The following ADGRE2 variants were observed in gnomAD, a reference collection of about 807,000 sequenced individuals.
ADGRE2 encodes CD97 antigen.
Under a neutral mutation model 100.8 loss-of-function variants are expected in ADGRE2, and 83 were observed. The ratio of observed to expected loss-of-function variants is 0.82; its 90% CI spans 0.69 to 0.99. ADGRE2 has a LOEUF of 0.99. Ranked by LOEUF, ADGRE2 falls within the 50% of genes least tolerant of loss-of-function variation. The probability of loss-of-function intolerance (pLI) is 0.00; values close to 1 mark genes in which losing one functional copy is unlikely to be tolerated. For synonymous variants in ADGRE2, 355 were observed against 413.0 expected (o/e 0.86, Z 1.70); for missense variants, 814 against 1,035.7 (o/e 0.79, Z 2.94).
At chr19:14,775,813 C>T (rs1465292507) in intron 2 of ADGRE2, among the ~76,000 whole-genome samples, 10 of 149,204 alleles carry the variant, frequency 6.7e-5, no homozygotes, top group African/African-American at 2.5e-4. Context: ...AAGCTGAGAT[C>T]GTGCCACTGC....
At position 14,778,522 on chromosome 19, in the gene ADGRE2, C is replaced by A; in HGVS notation, c.-437G>T. 2 of 847,512 alleles carry A rather than the reference C, an allele frequency of 2.4e-6. No individual in the cohort carries two copies. Among genetic ancestry groups the A allele is most frequent in the Non-Finnish European group, 2.8e-6 (2 of 703,790 alleles). The allele number at this position is 847,512 out of a possible 1,614,324, so 52.5% of individuals were successfully genotyped here. A position where few individuals can be genotyped will look rare whatever the true frequency, so the allele number is the denominator to read the frequency against. ...GCAGGTGCCAAGAAGAGAAGCTTCA[C>A]CGCACAGAGCAGACCCCCCGGATCT... On this transcript the variant is annotated 5_prime_UTR_variant, in exon 1 of 21. Transcript: ENST00000315576.
chr19:14,727,082 C>T, the ADGRE2 span, among the ~76,000 whole-genome samples: 2 of 124,896 alleles, frequency 1.6e-5, no homozygotes, highest in Non-Finnish European at 3.1e-5. Context: ...CCAGACAGTG[C>T]AGTGGCGCAA....
rs550136851 is a variant in ADGRE2 at position 14,759,229 on chromosome 19, T to C, written c.1085-2884A>G. ...GTCGGGCCCCCAGGTAACCTTTTCCTATTGGCACAGCTGCCGGCATTCACC... is the reference window on the plus strand; with the variant it reads ...GTCGGGCCCCCAGGTAACCTTTTCCCATTGGCACAGCTGCCGGCATTCACC... On this transcript the variant is annotated intron_variant, in intron 11 of 20. Coordinates refer to ENST00000315576, the MANE Select transcript of ADGRE2 (RefSeq NM_013447.4). Among the ~76,000 whole-genome samples, 10 of 152,210 alleles carry C rather than the reference T, an allele frequency of 6.6e-5. No individual in the cohort carries two copies. In the South Asian group the frequency reaches 1.9e-3, roughly 28 times the overall value.
chr19:14,739,305 G>A (rs2042855066), intron 20 of ADGRE2, among the ~76,000 whole-genome samples: 1 of 152,090 alleles, frequency 6.6e-6, no homozygotes, highest in Non-Finnish European at 1.5e-5. Context: ...GAGATAACAA[G>A]TTTTAGGAAA....
chr19:14,755,231 T>C, intron 13 of ADGRE2, 104 bp from the exon 14 acceptor site: 1 of 1,168,496 alleles, frequency 8.6e-7, no homozygotes, highest in East Asian at 2.5e-5. Context: ...GTCAGGAGTT[T>C]GAGACCAGCC....
At position 14,776,988 on chromosome 19, in the gene ADGRE2, A is replaced by ACACACACACG; in HGVS notation, c.-171-62_-171-61insCGTGTGTGTG. 4.5e-6 allele frequency: 6 copies of ACACACACACG among 1,337,228 alleles called. No individual in the cohort carries two copies. The East Asian group carries it at 1.8e-4, about 40-fold the overall frequency. 82.8% of individuals were successfully genotyped at this position (1,337,228 alleles called of 1,614,324 possible). A position where few individuals can be genotyped will look rare whatever the true frequency, so the allele number is the denominator to read the frequency against. On this transcript the variant is annotated intron_variant, in intron 1 of 20. Coordinates refer to ENST00000315576, the MANE Select transcript of ADGRE2 (RefSeq NM_013447.4). The stretch of plus-strand genomic sequence containing the variant: ...AACCAGGGGCGCTGCACACACACAC[A>ACACACACACG]CACACACACACACACACACACACAC...
In ADGRE2 at chr19:14,754,996, G is replaced by A. The variant is rs2043439113; in HGVS notation, c.1548C>T (p.His516=). The part of the protein sequence containing the change: ...RDTSTICRCT[H]LSSFAVLMAH... The stretch of plus-strand genomic sequence containing the variant: ...CCATGAGGACGGCAAAGCTGCTCAG[G>A]TGGGTGCAACGGCAGATGGTGCTGG... The change falls in exon 14 of 21, where the codon CAC becomes CAT. Residue 516 remains histidine (H), a synonymous_variant. Transcript: ENST00000315576. 6.2e-7 allele frequency: 1 copy of A among 1,614,040 alleles called. No homozygotes were observed. Among genetic ancestry groups the A allele is most frequent in the Non-Finnish European group, 8.5e-7 (1 of 1,180,042 alleles).
rs768970857 is a variant in ADGRE2, at chr19:14,755,036, A to G, written c.1508T>C (p.Ile503Thr). Residue 503 changes from isoleucine to threonine, a missense_variant, in exon 14 of 21, where the codon ATA (isoleucine) becomes ACA (threonine). Coordinates refer to ENST00000315576, the MANE Select transcript of ADGRE2 (RefSeq NM_013447.4). ...GHWATTGCST[I>T]GTRDTSTICR... ...GATGGTGCTGGTGTCTCTGGTGCCT[A>G]TTGTGCTGCAGCCTGTGGTGGCCCA... The G allele has an allele frequency of 3.1e-6, 5 of 1,613,920 alleles. No individual in the cohort carries two copies. In the East Asian group the frequency reaches 6.7e-5, roughly 22 times the overall value.
At chr19:14,743,394 T>C (rs757200390) in intron 20 of ADGRE2, 26 bp downstream of exon 20, 1 of 1,594,290 alleles carries the variant, frequency 6.3e-7, no homozygotes, top group South Asian at 1.1e-5. Flanking sequence ...GTTAGTGAAG[T>C]GCTCTGGAGC....
chr19:14,736,812 A>T (rs1305288871), intron 20 of ADGRE2, among the ~76,000 whole-genome samples: 2 of 145,738 alleles, frequency 1.4e-5, no homozygotes, highest in African/African-American at 2.5e-5. Context: ...ATATATAGAT[A>T]TTTAGAAATA....
At chr19:14,728,363 A>G (rs1169695186), downstream of ADGRE2, among the ~76,000 whole-genome samples, 1 of 152,184 alleles carries the variant, frequency 6.6e-6, no homozygotes, top group Non-Finnish European at 1.5e-5. Context: ...CTAGGGTGTG[A>G]TGACAGTCTG....
the ADGRE2 span, among the ~76,000 whole-genome samples, chr19:14,724,220 A>T: frequency 6.6e-6 from 1 of 152,216 alleles, no homozygotes; most frequent in African/African-American, 2.4e-5. Flanking sequence ...GAAATGGTTC[A>T]AAAAGATCAG....
chr19:14,725,230 A>T, the ADGRE2 span, among the ~76,000 whole-genome samples: 5 of 152,232 alleles, frequency 3.3e-5, no homozygotes, highest in African/African-American at 1.2e-4. Context: ...AACTGACAGC[A>T]CCATGGGGAT....
chr19:14,741,973 G>A, intron 20 of ADGRE2: 1 of 398,548 alleles, frequency 2.5e-6, no homozygotes, highest in Non-Finnish European at 4.4e-6. Flanking sequence ...CCATGCCATT[G>A]AGGCATAGGA....
rs1334491430 is a variant in ADGRE2, at chr19:14,755,775, G to A, written c.1295C>T (p.Thr432Ile). ...GCCGTCCTGCAGCAAGCCCTGGTGT[G>A]TCTCATGCAGAAGCATCTGCTTCTC... ...EPEKQMLLHE[T>I]HQGLLQDGSP... Residue 432 changes from threonine to isoleucine, a missense_variant, in exon 13 of 21, where the codon ACA (threonine) becomes ATA (isoleucine). Coordinates refer to ENST00000315576, the MANE Select transcript of ADGRE2 (RefSeq NM_013447.4). 5.6e-6 allele frequency: 9 copies of A among 1,614,106 alleles called. No homozygotes were observed. The highest frequency in any genetic ancestry group is 2.2e-5 in the South Asian group (2 of 91,094).
At position 14,747,742 on chromosome 19, in the gene ADGRE2, AGAGCAGAGGTTGCAGT is replaced by A. The variant is rs752921255; in HGVS notation, c.2025-796_2025-781del. Among the ~76,000 whole-genome samples, 288 of 150,342 alleles carry A rather than the reference AGAGCAGAGGTTGCAGT, an allele frequency of 1.9e-3. 2 individuals are homozygous for A. Among genetic ancestry groups the A allele is most frequent in the South Asian group, 3.4e-3 (16 of 4,722 alleles). On this transcript the variant is annotated intron_variant, in intron 16 of 20. Coordinates refer to ENST00000315576, the MANE Select transcript of ADGRE2 (RefSeq NM_013447.4). ...AGAATTGCTTGAACCCAGGAAGCAG[AGAGCAGAGGTTGCAGT>A]GAGCCAAGATGGCACCACTGCACTC...
rs2043195512 is a variant in ADGRE2 at position 14,749,414 on chromosome 19, T to A, written c.2024+2022A>T. Reference sequence around the variant, plus strand: ...GTTATATAATATAATTATTTATAGTTATATAATTATTTATAGTTATGTAAT... The same window carrying A: ...GTTATATAATATAATTATTTATAGTAATATAATTATTTATAGTTATGTAAT... On this transcript the variant is annotated intron_variant, in intron 16 of 20. Transcript: ENST00000315576. Among the ~76,000 whole-genome samples, 3 of 139,874 alleles carry A rather than the reference T, an allele frequency of 2.1e-5. 1 individual carries two copies. The South Asian group carries it at 6.8e-4, about 32-fold the overall frequency. The allele number at this position is 139,874 out of a possible 152,430, so 91.8% of individuals were successfully genotyped here. A position where few individuals can be genotyped will look rare whatever the true frequency, so the allele number is the denominator to read the frequency against.
At chr19:14,740,024 C>A (rs1335417963) in intron 20 of ADGRE2, among the ~76,000 whole-genome samples, 1 of 151,494 alleles carries the variant, frequency 6.6e-6, no homozygotes, top group African/African-American at 2.4e-5. Flanking sequence ...TCACTTGAAC[C>A]CTGGAGGCAG....
chr19:14,731,400 G>C, downstream of ADGRE2: 1 of 582,648 alleles, frequency 1.7e-6, no homozygotes, highest in Non-Finnish European at 3.0e-6. Flanking sequence ...ACATACTTCT[G>C]GCTTCCGGAT....
Sources: allele counts gnomAD v4.1 joint callset (sites outside exome capture counted in the v4.1 genomes callset), GRCh38; gene constraint gnomAD v4.1.1; transcripts MANE v1.5; gene names NCBI Gene and HGNC (gene_info 2026-07-23, HGNC 2026-07-21).